The following NAP1L1 variants were observed in gnomAD, a reference collection of about 807,000 sequenced individuals.
NAP1L1 encodes nucleosome assembly protein 1 like 1.
NAP1L1 carries 9 observed loss-of-function variants against 58.9 expected under a neutral mutation model. That is an observed-to-expected ratio of 0.15 (90% CI 0.09 to 0.27). The LOEUF is 0.27. Among genes scored for constraint, NAP1L1 ranks in the 10% least tolerant of loss-of-function variants. The probability of loss-of-function intolerance (pLI) is 1.00; values close to 1 mark genes in which losing one functional copy is unlikely to be tolerated. For synonymous variants in NAP1L1, 130 were observed against 138.3 expected (o/e 0.94, Z 0.42); for missense variants, 302 against 458.8 (o/e 0.66, Z 3.12).
intron 6 of NAP1L1, chr12:76,056,585 T>C (rs1949099412): frequency 2.2e-6 from 1 of 455,742 alleles, no homozygotes; most frequent in Non-Finnish European, 4.4e-6. Context: ...CAGCACTGAA[T>C]GTGTGTCACA....
At chr12:76,057,926 G>A in intron 6 of NAP1L1, 1 of 1,139,360 alleles carries the variant, frequency 8.8e-7, no homozygotes, top group Non-Finnish European at 1.3e-6. Flanking sequence ...TGTGACAAGG[G>A]TTGTGGCCTT....
At chr12:76,054,931 T>C (rs980635831) in intron 8 of NAP1L1, 88 bp downstream of exon 8, 23 of 918,214 alleles carry the variant, frequency 2.5e-5, no homozygotes, top group Middle Eastern at 4.5e-4. Context: ...AGCACCAACC[T>C]TACCCTTGAA....
At chr12:76,050,764 A>G in intron 11 of NAP1L1, 111 bp from the exon 12 acceptor site, 1 of 1,215,112 alleles carries the variant, frequency 8.2e-7, no homozygotes, top group Non-Finnish European at 1.1e-6. Context: ...CTGTAGTCCC[A>G]ACACTTCAGG....
At position 76,037,566 on chromosome 12, in the gene NAP1L1, C is replaced by T. The variant is rs1871078728; in HGVS notation, c.*10863G>A. On this transcript the variant is annotated 3_prime_UTR_variant, in exon 15 of 15. Transcript: ENST00000618691. ...TATTCGCCTCCAATTGTATACATTC[C>T]AATTCCTTACCCTTGCATGACAAGC... 1 of 152,130 alleles carries T rather than the reference C, an allele frequency of 6.6e-6. No individual in the cohort carries two copies. Among genetic ancestry groups the T allele is most frequent in the Non-Finnish European group, 1.5e-5 (1 of 68,048 alleles). 9.4% of individuals were successfully genotyped at this position (152,130 alleles called of 1,614,324 possible).
chr12:76,075,140 G>C (rs1950123050), intron 1 of NAP1L1, among the ~76,000 whole-genome samples: 1 of 152,056 alleles, frequency 6.6e-6, no homozygotes. Flanking sequence ...ACTAAACCAA[G>C]TTTAGATAGA....
At chr12:76,058,124 G>T (rs1949210166) in intron 6 of NAP1L1, 2 of 715,184 alleles carry the variant, frequency 2.8e-6, no homozygotes, top group Admixed American at 1.8e-5. Flanking sequence ...GAGAAGAAGT[G>T]AATTTGAAAA....
rs544038841 is a variant in NAP1L1 at position 76,042,159 on chromosome 12, C to T, written c.*6270G>A. 12 of 152,172 alleles carry T rather than the reference C, an allele frequency of 7.9e-5. No homozygotes were observed. Among genetic ancestry groups the T allele is most frequent in the African/African-American group, 2.6e-4 (11 of 41,514 alleles). 9.4% of individuals were successfully genotyped at this position (152,172 alleles called of 1,614,324 possible). ...TTCTTATGTACACTGAGTAATGCATCCCTTACACCTAGGAGGAATTTTGCC... is the reference window on the plus strand; with the variant it reads ...TTCTTATGTACACTGAGTAATGCATTCCTTACACCTAGGAGGAATTTTGCC... On this transcript the variant is annotated 3_prime_UTR_variant, in exon 15 of 15. Transcript: ENST00000618691.
chr12:76,063,057 G>C (rs1385877456), intron 4 of NAP1L1, among the ~76,000 whole-genome samples: 2 of 152,060 alleles, frequency 1.3e-5, no homozygotes, highest in East Asian at 3.8e-4. Context: ...ATAAAAGCAG[G>C]ACAAAAATTA....
At chr12:76,049,466 C>G in intron 13 of NAP1L1, 1 of 1,535,654 alleles carries the variant, frequency 6.5e-7, no homozygotes, top group Non-Finnish European at 8.7e-7. Flanking sequence ...AAAATAGTTA[C>G]TGCAGCCAAC....
chr12:76,048,262 AAATGCTAGGTAG>A lies in NAP1L1; in HGVS notation c.*155_*166del. ...ACATAGCTGGCAGAAAAACTAGTTA[AAATGCTAGGTAG>A]AACAAATTGGTCTTTAAAATATCAG... On this transcript the variant is annotated 3_prime_UTR_variant, in exon 15 of 15. Coordinates refer to ENST00000618691, the MANE Select transcript of NAP1L1 (RefSeq NM_004537.7). The A allele has an allele frequency of 1.6e-6, 1 of 626,602 alleles. No individual in the cohort carries two copies. Among genetic ancestry groups the A allele is most frequent in the Non-Finnish European group, 2.7e-6 (1 of 375,178 alleles). 38.8% of individuals were successfully genotyped at this position (626,602 alleles called of 1,614,324 possible).
chr12:76,062,309 C>T (rs73133147), intron 4 of NAP1L1, among the ~76,000 whole-genome samples: 2 of 152,162 alleles, frequency 1.3e-5, no homozygotes, highest in East Asian at 3.9e-4. Context: ...CAGTGTAAGG[C>T]AACTAGTGCT....
Position 76,050,529 on chromosome 12 carries a change from A to ACAT in NAP1L1, c.1058_1059+1dup, listed in dbSNP as rs754775677. ...TTCTTTGCAGGATTCAAATTCGCTT[A>ACAT]CATCATCATCATCATCTTCAATAGC... On this transcript the variant is annotated splice_donor_variant, in intron 12 of 14. Transcript: ENST00000618691. LOFTEE classifies it high-confidence loss of function. 10 of 1,602,646 alleles carry ACAT rather than the reference A, an allele frequency of 6.2e-6. No individual in the cohort carries two copies. Among genetic ancestry groups the ACAT allele is most frequent in the Non-Finnish European group, 6.8e-6 (8 of 1,176,820 alleles).
At chr12:76,078,206 G>C (rs1276133352) in intron 1 of NAP1L1, among the ~76,000 whole-genome samples, 4 of 151,906 alleles carry the variant, frequency 2.6e-5, no homozygotes, top group Non-Finnish European at 5.9e-5. Context: ...TTAAAATTCT[G>C]GGCCTGTCCA....
chr12:76,044,431 T>C lies in NAP1L1; in HGVS notation c.*3998A>G, dbSNP rs1170462166. 1 of 152,212 alleles carries C rather than the reference T, an allele frequency of 6.6e-6. No homozygotes were observed. Among genetic ancestry groups the C allele is most frequent in the African/African-American group, 2.4e-5 (1 of 41,448 alleles). 9.4% of individuals were successfully genotyped at this position (152,212 alleles called of 1,614,324 possible). A position where few individuals can be genotyped will look rare whatever the true frequency, so the allele number is the denominator to read the frequency against. On this transcript the variant is annotated 3_prime_UTR_variant, in exon 15 of 15. Coordinates refer to ENST00000618691, the MANE Select transcript of NAP1L1 (RefSeq NM_004537.7). ...GATCCACAAAACTTAAAATGCCCAATTTCCCATAGGAAAATTAAACAACCA... is the reference window on the plus strand; with the variant it reads ...GATCCACAAAACTTAAAATGCCCAACTTCCCATAGGAAAATTAAACAACCA...
rs76141380 is a variant in NAP1L1, at chr12:76,039,113, A to T, written c.*9316T>A. ...GTTCCAGGATATCCTTGATCAAATA[A>T]TCCTTTTCTAAATCAACTTATTTCG... is the stretch of plus-strand genomic sequence containing the variant. On this transcript the variant is annotated 3_prime_UTR_variant, in exon 15 of 15. Transcript: ENST00000618691. 1 of 152,294 alleles carries T rather than the reference A, an allele frequency of 6.6e-6. No homozygotes were observed. Among genetic ancestry groups the T allele is most frequent in the East Asian group, 1.9e-4 (1 of 5,192 alleles). 9.4% of individuals were successfully genotyped at this position (152,294 alleles called of 1,614,324 possible).
intron 12 of NAP1L1, 31 bp downstream of exon 12, chr12:76,050,500 T>G (rs1948766995): frequency 6.3e-7 from 1 of 1,589,300 alleles, no homozygotes; most frequent in African/African-American, 1.4e-5. Context: ...CCTCAACCAA[T>G]TATTTCTTTG....
chr12:76,063,881 T>TAAAAAA (rs10693123), intron 4 of NAP1L1, among the ~76,000 whole-genome samples: 1 of 137,496 alleles, frequency 7.3e-6, no homozygotes, highest in African/African-American at 2.8e-5. Flanking sequence ...GTTAAAAGTT[T>TAAAAAA]AAAAAAAAAA....
intron 4 of NAP1L1, among the ~76,000 whole-genome samples, chr12:76,063,137 A>G (rs1487592812): frequency 6.6e-6 from 1 of 152,230 alleles, no homozygotes; most frequent in African/African-American, 2.4e-5. Flanking sequence ...ACTTTTGAGG[A>G]AAATTTTTTA....
intron 2 of NAP1L1, among the ~76,000 whole-genome samples, chr12:76,069,796 A>G (rs1045695427): frequency 2.6e-5 from 4 of 152,132 alleles, no homozygotes; most frequent in African/African-American, 7.2e-5. Context: ...TTAAAAATTA[A>G]TAAGATAGCA....
Sources: gnomAD v4.1 joint callset for allele counts (sites outside exome capture counted in the v4.1 genomes callset) on GRCh38, gnomAD v4.1.1 for gene constraint, MANE v1.5 for transcripts, NCBI Gene and HGNC (gene_info 2026-07-23, HGNC 2026-07-21) for gene names.